The following MACROH2A1 variants were observed in gnomAD, a reference collection of about 807,000 sequenced individuals.
MACROH2A1 encodes core histone macro-H2A.1.
A neutral mutation model predicts 31.6 loss-of-function variants in MACROH2A1; 2 were observed. The observed-to-expected ratio is 0.06, with a 90% CI of 0.03 to 0.20. The LOEUF (loss-of-function observed/expected upper bound fraction) is 0.20. Ranked by LOEUF, MACROH2A1 falls within the 10% of genes least tolerant of loss-of-function variation. The pLI, the probability that MACROH2A1 is intolerant of heterozygous loss-of-function variation, is 1.00. For missense variants in MACROH2A1, 230 were observed against 474.0 expected, an observed-to-expected ratio of 0.49 and a Z score of 4.78; for synonymous variants, 169 against 189.6, an observed-to-expected ratio of 0.89 and a Z score of 0.89.
chr5:135,336,587 G>A (rs772881717), intron 8 of MACROH2A1, among the ~76,000 whole-genome samples: 1 of 152,170 alleles, frequency 6.6e-6, no homozygotes, highest in Non-Finnish European at 1.5e-5. Context: ...CTCTGGCCAC[G>A]AGAGTGGTGT....
At chr5:135,377,500 C>G (rs1765044604) in intron 2 of MACROH2A1, among the ~76,000 whole-genome samples, 1 of 152,184 alleles carries the variant, frequency 6.6e-6, no homozygotes, top group African/African-American at 2.4e-5. Flanking sequence ...CAGATGGACT[C>G]AAAGCGAAAG....
chr5:135,392,781 C>T (rs1203463513), intron 1 of MACROH2A1, among the ~76,000 whole-genome samples: 1 of 152,188 alleles, frequency 6.6e-6, no homozygotes, highest in Non-Finnish European at 1.5e-5. Context: ...CTGATTATAA[C>T]CATGGCTCTG....
At chr5:135,381,263 T>C (rs995480178) in intron 2 of MACROH2A1, among the ~76,000 whole-genome samples, 2 of 152,122 alleles carry the variant, frequency 1.3e-5, no homozygotes, top group Admixed American at 1.3e-4. Context: ...TATAAAAATA[T>C]TGAGCAAAAG....
At chr5:135,344,365 T>G (rs569014056) in intron 7 of MACROH2A1, 3 of 152,308 alleles carry the variant, frequency 2.0e-5, no homozygotes, top group Admixed American at 6.5e-5. Context: ...GGTTGGCTAT[T>G]TCTGAAACTT....
intron 2 of MACROH2A1, among the ~76,000 whole-genome samples, chr5:135,383,703 GTGTGTGTGT>G (rs1561657087): frequency 2.6e-5 from 2 of 75,826 alleles, no homozygotes; most frequent in African/African-American, 1.8e-4. Context: ...GTGGTGTGGT[GTGTGTGTGT>G]GTGTGTGTGT....
rs116310552 is a variant in MACROH2A1, at chr5:135,355,584, G to C, written c.589-2539C>G. On this transcript the variant is annotated intron_variant, in intron 5 of 8. Coordinates refer to ENST00000511689, the MANE Select transcript of MACROH2A1 (RefSeq NM_138610.3). ...TAGAAAGTGTGTGCTTGGGATGTGT[G>C]CATCAGGGGAAGAGAATGGGAAGGG... 749 of 213,078 alleles carry C rather than the reference G, an allele frequency of 3.5e-3. 6 individuals are homozygous for C. The highest frequency in any genetic ancestry group is 0.016 in the African/African-American group (702 of 43,374). The allele number at this position is 213,078 out of a possible 1,614,324, so 13.2% of individuals were successfully genotyped here.
chr5:135,385,775 C>T (rs1163388802), intron 2 of MACROH2A1, among the ~76,000 whole-genome samples: 1 of 152,194 alleles, frequency 6.6e-6, no homozygotes, highest in Non-Finnish European at 1.5e-5. Flanking sequence ...CTCCAAGCCC[C>T]CAAGCAGCCT....
chr5:135,357,858 G>A (rs1329566791), intron 5 of MACROH2A1: 2 of 985,020 alleles, frequency 2.0e-6, no homozygotes, highest in Non-Finnish European at 2.4e-6. Context: ...CAATGGTCAG[G>A]CTCCTAAGCC....
intron 8 of MACROH2A1, among the ~76,000 whole-genome samples, chr5:135,336,362 C>A (rs1758655596): frequency 6.6e-6 from 1 of 152,240 alleles, no homozygotes; most frequent in Admixed American, 6.5e-5. Flanking sequence ...CACGGCTTCA[C>A]CCGGCTGGTG....
chr5:135,382,468 C>T (rs938912857), intron 2 of MACROH2A1, among the ~76,000 whole-genome samples: 1 of 152,178 alleles, frequency 6.6e-6, no homozygotes, highest in Non-Finnish European at 1.5e-5. Context: ...AGTCTAGACA[C>T]AGGCTTTACA....
intron 2 of MACROH2A1, among the ~76,000 whole-genome samples, chr5:135,376,275 G>A (rs562435813): frequency 6.6e-6 from 1 of 152,282 alleles, no homozygotes; most frequent in South Asian, 2.1e-4. Flanking sequence ...GGGTCTCAGA[G>A]ACAGCATTTG....
At chr5:135,343,234 G>A (rs528945536) in intron 8 of MACROH2A1, 26 bp downstream of exon 8, 11 of 1,612,906 alleles carry the variant, frequency 6.8e-6, no homozygotes, top group African/African-American at 1.3e-5. Flanking sequence ...ACCCATGACC[G>A]ATACGTAACA....
At chr5:135,339,408 C>G (rs1296756224) in intron 8 of MACROH2A1, among the ~76,000 whole-genome samples, 1 of 152,194 alleles carries the variant, frequency 6.6e-6, no homozygotes, top group Non-Finnish European at 1.5e-5. Flanking sequence ...ACTAAGCACC[C>G]CTGCTCTCAG....
At chr5:135,386,562 G>A (rs537576805) in intron 2 of MACROH2A1, among the ~76,000 whole-genome samples, 1 of 152,244 alleles carries the variant, frequency 6.6e-6, no homozygotes, top group East Asian at 1.9e-4. Context: ...GGCTCTCCTG[G>A]CCAGTCCTAT....
intron 2 of MACROH2A1, among the ~76,000 whole-genome samples, chr5:135,386,362 G>A (rs1766403176): frequency 6.6e-6 from 1 of 152,230 alleles, no homozygotes; most frequent in Non-Finnish European, 1.5e-5. Flanking sequence ...GTTAGGGGCA[G>A]GCATGGTCAT....
chr5:135,360,444 G>T, intron 5 of MACROH2A1, 53 bp downstream of exon 5: 1 of 1,160,888 alleles, frequency 8.6e-7, no homozygotes, highest in Non-Finnish European at 1.3e-6. Flanking sequence ...AGTAGCCTGT[G>T]CCCACCTGTC....
intron 4 of MACROH2A1, among the ~76,000 whole-genome samples, chr5:135,363,431 T>C (rs1763102460): frequency 6.6e-6 from 1 of 152,242 alleles, no homozygotes; most frequent in African/African-American, 2.4e-5. Flanking sequence ...CACATTCAAA[T>C]CATAGCAACT....
chr5:135,393,043 AT>A (rs1337686240), intron 1 of MACROH2A1, among the ~76,000 whole-genome samples: 3 of 152,210 alleles, frequency 2.0e-5, no homozygotes, highest in African/African-American at 7.2e-5. Flanking sequence ...CGCTGAAGAC[AT>A]TGCTAGCTGC....
chr5:135,352,353 T>G (rs1178326988), intron 6 of MACROH2A1, among the ~76,000 whole-genome samples: 1 of 152,220 alleles, frequency 6.6e-6, no homozygotes, highest in Non-Finnish European at 1.5e-5. Flanking sequence ...TGGGGCAGTT[T>G]TCCTCCATAA....
Sources: allele counts gnomAD v4.1 joint callset (sites outside exome capture counted in the v4.1 genomes callset), GRCh38; gene constraint gnomAD v4.1.1; transcripts MANE v1.5; gene names NCBI Gene and HGNC (gene_info 2026-07-23, HGNC 2026-07-21).